Variants in PCDHGA5 observed in about 807,000 individuals in gnomAD.
The protein encoded by PCDHGA5 is protocadherin gamma subfamily A, 5.
Under a neutral mutation model 56.7 loss-of-function variants are expected in PCDHGA5, and 36 were observed. That is an observed-to-expected ratio of 0.64 (90% CI 0.49 to 0.84). The LOEUF is 0.84. Among genes scored for constraint, PCDHGA5 ranks in the 40% least tolerant of loss-of-function variants. The probability of loss-of-function intolerance (pLI) is 0.00; values close to 1 mark genes in which losing one functional copy is unlikely to be tolerated. For missense variants in PCDHGA5, 1,305 were observed against 1,201.5 expected, an observed-to-expected ratio of 1.09 and a Z score of -1.27; for synonymous variants, 563 against 520.2, an observed-to-expected ratio of 1.08 and a Z score of -1.12.
chr5:141,420,111 C>T (rs747723647), intron 1 of PCDHGA5: 1 of 1,613,966 alleles, frequency 6.2e-7, no homozygotes, highest in African/African-American at 1.3e-5. Flanking sequence ...TTGCCCTATG[C>T]CTATAATTTT....
Position 141,487,302 on chromosome 5 carries a change from C to T in PCDHGA5, c.2422-7505C>T, listed in dbSNP as rs763268817. 3.7e-6 allele frequency: 6 copies of T among 1,614,154 alleles called. No homozygotes were observed. The highest frequency in any genetic ancestry group is 3.4e-6 in the Non-Finnish European group (4 of 1,180,002). On this transcript the variant is annotated intron_variant, in intron 1 of 3. Transcript: ENST00000518069. This position sits in a 1 kb window ranked among gnomAD's most constrained non-coding sequence, Gnocchi z 5.0. ...TTTGTCTCCTTTGGCTCATTCGTGGCACTACTCTCTAAGTGTCTTCGTGGG... is the reference window on the plus strand; with the variant it reads ...TTTGTCTCCTTTGGCTCATTCGTGGTACTACTCTCTAAGTGTCTTCGTGGG...
intron 1 of PCDHGA5, among the ~76,000 whole-genome samples, chr5:141,438,626 A>G (rs1309857700): frequency 2.3e-5 from 1 of 43,566 alleles, no homozygotes; most frequent in Non-Finnish European, 3.7e-5. Flanking sequence ...ATATATATAT[A>G]TATATATATA....
chr5:141,364,489 G>T lies in PCDHGA5; in HGVS notation c.159G>T (p.Gly53=). ...SFVGNIAKDL[G]LEPQELAERG... ...TCGGCAACATAGCCAAGGACCTTGGGCTGGAGCCCCAGGAGCTGGCGGAGC... is the reference window on the plus strand; with the variant it reads ...TCGGCAACATAGCCAAGGACCTTGGTCTGGAGCCCCAGGAGCTGGCGGAGC... The change falls in exon 1 of 4, where the codon GGG becomes GGT. Residue 53 remains glycine (G), a synonymous_variant. Transcript: ENST00000518069. The T allele has an allele frequency of 6.2e-7, 1 of 1,614,034 alleles. No homozygotes were observed. Among genetic ancestry groups the T allele is most frequent in the Non-Finnish European group, 8.5e-7 (1 of 1,179,914 alleles).
chr5:141,448,948 AAAAC>A (rs1237948751), intron 1 of PCDHGA5, among the ~76,000 whole-genome samples: 14 of 152,170 alleles, frequency 9.2e-5, no homozygotes, highest in African/African-American at 9.7e-5. Flanking sequence ...GCAACTCAAA[AAAAC>A]AAACAAACAA....
intron 1 of PCDHGA5, chr5:141,426,675 C>T: frequency 2.3e-6 from 1 of 431,942 alleles, no homozygotes; most frequent in South Asian, 1.6e-5. Flanking sequence ...TAACCCACCT[C>T]ATTTTCCCCA....
At chr5:141,380,474 C>T (rs1452214567) in intron 1 of PCDHGA5, among the ~76,000 whole-genome samples, 1 of 152,180 alleles carries the variant, frequency 6.6e-6, no homozygotes, top group Non-Finnish European at 1.5e-5. Context: ...GGTCAGGATT[C>T]TTCCCAATAT....
intron 1 of PCDHGA5, chr5:141,415,051 C>G: frequency 6.2e-7 from 1 of 1,613,458 alleles, no homozygotes; most frequent in Non-Finnish European, 8.5e-7. Context: ...GGTGGGGGAG[C>G]ACACGGGCGA....
At chr5:141,472,980 C>CAAAAAAAAAA (rs60579131) in intron 1 of PCDHGA5, among the ~76,000 whole-genome samples, 34 of 85,838 alleles carry the variant, frequency 4.0e-4, no homozygotes, top group South Asian at 1.3e-3. Context: ...GAGTGAAACT[C>CAAAAAAAAAA]AAAAAAAAAA....
At chr5:141,418,478 G>T (rs777772131) in intron 1 of PCDHGA5, 1 of 1,613,858 alleles carries the variant, frequency 6.2e-7, no homozygotes, top group Non-Finnish European at 8.5e-7. Flanking sequence ...AACGCAGAGC[G>T]CTCACCACTT....
At chr5:141,454,409 T>G (rs1221091875) in intron 1 of PCDHGA5, among the ~76,000 whole-genome samples, 1 of 152,162 alleles carries the variant, frequency 6.6e-6, no homozygotes, top group Non-Finnish European at 1.5e-5. Flanking sequence ...TTATTCCTTT[T>G]TATTTATTTA....
chr5:141,398,171 C>T (rs773536231), intron 1 of PCDHGA5: 3 of 1,476,352 alleles, frequency 2.0e-6, no homozygotes, highest in Non-Finnish European at 2.7e-6. Flanking sequence ...GAGAGGCTGC[C>T]AGTGCTCTTT....
chr5:141,460,037 C>A (rs1203902962), intron 1 of PCDHGA5, among the ~76,000 whole-genome samples: 1 of 152,120 alleles, frequency 6.6e-6, no homozygotes, highest in African/African-American at 2.4e-5. Context: ...GAGACTGCAC[C>A]ACTGCACTCC....
At chr5:141,437,660 G>A (rs1021986333) in intron 1 of PCDHGA5, among the ~76,000 whole-genome samples, 6 of 151,866 alleles carry the variant, frequency 4.0e-5, no homozygotes, top group Non-Finnish European at 5.9e-5. Flanking sequence ...ACATAGTTTC[G>A]AAGAGATGTT....
intron 1 of PCDHGA5, among the ~76,000 whole-genome samples, chr5:141,434,192 A>G (rs2097676888): frequency 6.6e-6 from 1 of 152,194 alleles, no homozygotes; most frequent in Non-Finnish European, 1.5e-5. Context: ...TGTAATTCCA[A>G]TGTACTTACT....
At chr5:141,502,818 C>T (rs1209481886) in intron 2 of PCDHGA5, among the ~76,000 whole-genome samples, 1 of 150,836 alleles carries the variant, frequency 6.6e-6, no homozygotes, top group Non-Finnish European at 1.5e-5. Context: ...ACTGTCTTTT[C>T]CTTGGGGAAG....
In PCDHGA5 at chr5:141,489,183, G is replaced by A. The variant is rs2099683673; in HGVS notation, c.2422-5624G>A. 7.9e-7 allele frequency: 1 copy of A among 1,270,400 alleles called. No individual in the cohort carries two copies. Among genetic ancestry groups the A allele is most frequent in the Non-Finnish European group, 1.1e-6 (1 of 913,958 alleles). The allele number at this position is 1,270,400 out of a possible 1,614,324, so 78.7% of individuals were successfully genotyped here. A position where few individuals can be genotyped will look rare whatever the true frequency, so the allele number is the denominator to read the frequency against. ...TTCAGCTGCTGCATTCCAAGCCCTGGGTCTACCTTGGAGACAGGACAGCAC... is the reference window on the plus strand; with the variant it reads ...TTCAGCTGCTGCATTCCAAGCCCTGAGTCTACCTTGGAGACAGGACAGCAC... On this transcript the variant is annotated intron_variant, in intron 1 of 3. Transcript: ENST00000518069. The surrounding 1 kb of genome is among the most constrained non-coding windows in gnomAD (Gnocchi z 4.5).
chr5:141,420,242 A>T (rs1241562871), intron 1 of PCDHGA5: 1 of 1,586,666 alleles, frequency 6.3e-7, no homozygotes, highest in Non-Finnish European at 8.6e-7. Context: ...TTTAACTCCC[A>T]GCGTTGAAGC....
chr5:141,399,283 G>A, intron 1 of PCDHGA5: 2 of 1,613,888 alleles, frequency 1.2e-6, no homozygotes, highest in Non-Finnish European at 1.7e-6. Flanking sequence ...ACAAGGCGAA[G>A]TCCCTTTTAA....
At position 141,366,206 on chromosome 5, in the gene PCDHGA5, G is replaced by A. The variant is rs200201332; in HGVS notation, c.1876G>A (p.Val626Met). ...TGCGGTTGGGCTGCACACGGGCGAG[G>A]TGCGCACAGCGCGAGCCCTGCTGGA... Reference protein sequence around the residue: ...LFAVGLHTGEVRTARALLDRD... With the variant: ...LFAVGLHTGEMRTARALLDRD... Residue 626 changes from valine (V) to methionine (M), a missense_variant, in exon 1 of 4, where the codon GTG (valine) becomes ATG (methionine). Val to Met is a conservative substitution (Grantham distance 21). Coordinates refer to ENST00000518069, the MANE Select transcript of PCDHGA5 (RefSeq NM_018918.3). 1.5e-4 allele frequency: 235 copies of A among 1,613,848 alleles called. No individual in the cohort carries two copies. The African/African-American group carries it at 2.7e-3, about 18-fold the overall frequency.
Sources: allele counts gnomAD v4.1 joint callset (sites outside exome capture counted in the v4.1 genomes callset), GRCh38; gene constraint gnomAD v4.1.1; non-coding constraint Gnocchi (gnomAD v3.1); transcripts MANE v1.5; gene names NCBI Gene and HGNC (gene_info 2026-07-23, HGNC 2026-07-21).